TNS3: variants seen among roughly 807,000 people sequenced by gnomAD.
The protein encoded by TNS3 is tensin 3, also known as tensin-3.
In TNS3, 45 loss-of-function variants were observed where a neutral mutation model predicts 140.9. That is an observed-to-expected ratio of 0.32 (90% CI 0.25 to 0.41). The LOEUF (loss-of-function observed/expected upper bound fraction) is 0.41, where lower values mean the gene tolerates loss of function less well. TNS3 is among the 10% of genes least tolerant of loss of function. The pLI is 1.00. For synonymous variants in TNS3, 815 were observed against 788.4 expected (o/e 1.03, Z -0.56); for missense variants, 1,716 against 1,906.7 (o/e 0.90, Z 1.86).
intron 20 of TNS3, among the ~76,000 whole-genome samples, chr7:47,317,325 T>C (rs1787470405): frequency 6.6e-6 from 1 of 152,232 alleles, no homozygotes; most frequent in African/African-American, 2.4e-5. Flanking sequence ...TGCCACAGTC[T>C]TCCTTTTAAG....
At chr7:47,570,298 C>T (rs1800523482) in intron 1 of TNS3, among the ~76,000 whole-genome samples, 2 of 152,208 alleles carry the variant, frequency 1.3e-5, no homozygotes, top group African/African-American at 4.8e-5. Context: ...GAAACAAACC[C>T]CACAACACAC....
chr7:47,333,039 G>C (rs1171284952), intron 20 of TNS3, among the ~76,000 whole-genome samples: 1 of 152,156 alleles, frequency 6.6e-6, no homozygotes, highest in Non-Finnish European at 1.5e-5. Flanking sequence ...AAGTCTGCAG[G>C]CTGACATGGG....
At chr7:47,521,163 T>G (rs1483849759) in intron 2 of TNS3, among the ~76,000 whole-genome samples, 1 of 152,082 alleles carries the variant, frequency 6.6e-6, no homozygotes, top group Non-Finnish European at 1.5e-5. Flanking sequence ...CAGCAGTTCC[T>G]CCATCGTCCT....
At chr7:47,369,757 T>A in intron 16 of TNS3, 136 bp from the exon 17 acceptor site, 1 of 1,048,302 alleles carries the variant, frequency 9.5e-7, no homozygotes, top group Non-Finnish European at 1.3e-6. Flanking sequence ...AGGACAAAGA[T>A]TCCTCTAACA....
intron 16 of TNS3, among the ~76,000 whole-genome samples, chr7:47,385,883 C>T (rs571384772): frequency 5.3e-5 from 8 of 152,320 alleles, no homozygotes; most frequent in East Asian, 3.9e-4. Flanking sequence ...CACCAAAGGA[C>T]GGCTGTTGAG....
Position 47,509,403 on chromosome 7 carries a change from C to T in TNS3, c.-152-2459G>A, listed in dbSNP as rs533547426. Among the ~76,000 whole-genome samples, 7 of 152,230 alleles carry T rather than the reference C, an allele frequency of 4.6e-5. No individual in the cohort carries two copies. The South Asian group carries it at 1.2e-3, about 27-fold the overall frequency. ...ATAATCCTCAGAGTAGCAAGTCCACCGTCAATCTATCCGTGGCCCAGCTCT... is the reference window on the plus strand; with the variant it reads ...ATAATCCTCAGAGTAGCAAGTCCACTGTCAATCTATCCGTGGCCCAGCTCT... On this transcript the variant is annotated intron_variant, in intron 2 of 30. Coordinates refer to ENST00000311160, the MANE Select transcript of TNS3 (RefSeq NM_022748.12).
rs1445878781 is a variant in TNS3, at chr7:47,552,468, T to A, written c.-264-23321A>T. Among the ~76,000 whole-genome samples, 2 of 152,224 alleles carry A rather than the reference T, an allele frequency of 1.3e-5. 1 individual carries two copies. Among genetic ancestry groups the A allele is most frequent in the South Asian group, 4.1e-4 (2 of 4,830 alleles). On this transcript the variant is annotated intron_variant, in intron 1 of 30. Coordinates refer to ENST00000311160, the MANE Select transcript of TNS3 (RefSeq NM_022748.12). ...TGGCAACCCCACGTCAGTGCCATTTTCCCAAAAGCATGAGCTCACTTCTGG... is the reference window on the plus strand; with the variant it reads ...TGGCAACCCCACGTCAGTGCCATTTACCCAAAAGCATGAGCTCACTTCTGG...
At chr7:47,305,912 G>A (rs1241192913) in intron 20 of TNS3, among the ~76,000 whole-genome samples, 1 of 152,080 alleles carries the variant, frequency 6.6e-6, no homozygotes, top group African/African-American at 2.4e-5. Context: ...GAATATTAAT[G>A]TAGAAAAAAA....
chr7:47,326,700 C>A (rs1316605484), intron 20 of TNS3, among the ~76,000 whole-genome samples: 1 of 152,144 alleles, frequency 6.6e-6, no homozygotes, highest in African/African-American at 2.4e-5. Context: ...CCGTCCTAAC[C>A]AGACAATCTC....
intron 1 of TNS3, among the ~76,000 whole-genome samples, chr7:47,566,777 T>C (rs946021137): frequency 2.0e-5 from 3 of 152,210 alleles, no homozygotes; most frequent in East Asian, 1.9e-4. Flanking sequence ...CGGTAACTCA[T>C]GCCTGTAATC....
At chr7:47,519,596 C>A (rs1241765262) in intron 2 of TNS3, among the ~76,000 whole-genome samples, 1 of 152,156 alleles carries the variant, frequency 6.6e-6, no homozygotes, top group Non-Finnish European at 1.5e-5. Flanking sequence ...CCTCACTAGC[C>A]CAGCAGCCCG....
intron 1 of TNS3, among the ~76,000 whole-genome samples, chr7:47,545,210 G>A (rs1007232483): frequency 1.4e-5 from 2 of 146,846 alleles, no homozygotes; most frequent in African/African-American, 5.0e-5. Context: ...CACAATCTCG[G>A]CTCACTGCAA....
intron 4 of TNS3, among the ~76,000 whole-genome samples, chr7:47,442,259 A>T (rs553428147): frequency 6.6e-6 from 1 of 152,222 alleles, no homozygotes; most frequent in Non-Finnish European, 1.5e-5. Flanking sequence ...ACGCAGTGCC[A>T]CTAACCAGCA....
intron 6 of TNS3, among the ~76,000 whole-genome samples, chr7:47,437,751 C>CAT (rs1317326772): frequency 1.5e-5 from 1 of 66,372 alleles, no homozygotes; most frequent in African/African-American, 5.0e-5. Context: ...AGGATACACA[C>CAT]ACACACACAC....
At chr7:47,578,850 G>A (rs571088643) in intron 1 of TNS3, among the ~76,000 whole-genome samples, 5 of 152,304 alleles carry the variant, frequency 3.3e-5, no homozygotes, top group South Asian at 2.1e-4. Context: ...AAAGCCCCAC[G>A]GCAGGACACG....
chr7:47,582,311 C>T, upstream of TNS3: 1 of 405,000 alleles, frequency 2.5e-6, no homozygotes, highest in South Asian at 1.8e-5. Context: ...GAGGTGCGCC[C>T]TGGGACCTCC....
chr7:47,465,861 T>C (rs1796689508), intron 4 of TNS3, among the ~76,000 whole-genome samples: 1 of 149,318 alleles, frequency 6.7e-6, no homozygotes, highest in Non-Finnish European at 1.5e-5. Flanking sequence ...GAGGCGGAGG[T>C]TGCTGTGAGC....
intron 20 of TNS3, among the ~76,000 whole-genome samples, chr7:47,313,815 T>A (rs894586691): frequency 6.6e-6 from 1 of 152,186 alleles, no homozygotes; most frequent in Admixed American, 6.5e-5. Flanking sequence ...ACAGTGCTTG[T>A]CCCAGAAAAC....
rs752850369 is a variant in TNS3, at chr7:47,369,019, G to C, written c.1627C>G (p.Leu543Val). 1.2e-6 allele frequency: 2 copies of C among 1,614,072 alleles called. No individual in the cohort carries two copies. Among genetic ancestry groups the C allele is most frequent in the South Asian group, 2.2e-5 (2 of 91,088 alleles). The change falls in exon 17 of 31, where the codon CTT becomes GTT. Residue 543 changes from leucine (L) to valine (V), a missense_variant. Leu to Val is a conservative substitution (Grantham distance 32). Coordinates refer to ENST00000311160, the MANE Select transcript of TNS3 (RefSeq NM_022748.12). ...CGCTCATAGGGGCCGTCCATGCCAA[G>C]GCCCAGGTCCGGAACGAGGGTGCCC... The part of the protein sequence containing the change: ...PQGTLVPDLG[L>V]GMDGPYERER...
Sources: gnomAD v4.1 joint callset for allele counts (sites outside exome capture counted in the v4.1 genomes callset) on GRCh38, gnomAD v4.1.1 for gene constraint, MANE v1.5 for transcripts, NCBI Gene and HGNC (gene_info 2026-07-23, HGNC 2026-07-21) for gene names.